Variants in ARC observed in about 807,000 individuals in gnomAD.
ARC encodes the protein activity regulated cytoskeleton associated protein.
A neutral mutation model predicts 20.0 loss-of-function variants in ARC; 10 were observed. That is an observed-to-expected ratio of 0.50 (90% CI 0.31 to 0.85). The LOEUF is 0.85. Ranked by LOEUF, ARC falls within the 40% of genes least tolerant of loss-of-function variation. The probability of loss-of-function intolerance (pLI) is 0.05; values close to 1 mark genes in which losing one functional copy is unlikely to be tolerated. For missense variants in ARC, 454 were observed against 555.5 expected (o/e 0.82, Z 1.84); for synonymous variants, 269 against 254.1 (o/e 1.06, Z -0.56).
In ARC at chr8:142,613,097, C is replaced by G. The variant is rs775336464; in HGVS notation, c.1175G>C (p.Arg392Pro). The G allele has an allele frequency of 6.5e-7, 1 of 1,545,354 alleles. No homozygotes were observed. The highest frequency in any genetic ancestry group is 1.8e-5 in the Admixed American group (1 of 54,576). Reference protein sequence around the residue: ...APNSESVASDRTQPE With the variant: ...APNSESVASDPTQPE ...GGATGCCCTCTACTCGGGCTGGGTC[C>G]GGTCACTGGCCACGGACTCGCTGTT... is the stretch of plus-strand genomic sequence containing the variant. Residue 392 changes from arginine to proline, a missense_variant, in exon 1 of 3, where the codon CGG becomes CCG. Arg to Pro is a moderately radical substitution (Grantham distance 103). Around this residue, in one of 3 missense-constraint regions of ARC, gnomAD observed 72 missense variants for 59.4 expected, o/e 1.21. Transcript: ENST00000356613.
chr8:142,613,059 G>T lies in ARC; in HGVS notation c.*22C>A. The T allele has an allele frequency of 2.0e-6, 3 of 1,469,674 alleles. No homozygotes were observed. Among genetic ancestry groups the T allele is most frequent in the Non-Finnish European group, 2.7e-6 (3 of 1,108,442 alleles). The allele number at this position is 1,469,674 out of a possible 1,614,324, so 91.0% of individuals were successfully genotyped here. On this transcript the variant is annotated 3_prime_UTR_variant, in exon 1 of 3. Coordinates refer to ENST00000356613, the MANE Select transcript of ARC (RefSeq NM_015193.5). Reference sequence around the variant, plus strand: ...GCCACAGGCTGGATGTAGTGGGCAGGCTGGGGGCTCCGGGATGCCCTCTAC... The same window carrying T: ...GCCACAGGCTGGATGTAGTGGGCAGTCTGGGGGCTCCGGGATGCCCTCTAC...
rs1445665845 is a variant in ARC at position 142,613,684 on chromosome 8, C to T, written c.588G>A (p.Pro196=). Reference sequence around the variant, plus strand: ...GCTGCCCGTCCTCGCCGGGGACCCACGGCTGGTACTGCTGGGCCTCGGCGG... The same window carrying T: ...GCTGCCCGTCCTCGCCGGGGACCCATGGCTGGTACTGCTGGGCCTCGGCGG... ...QEPAEAQQYQ[P]WVPGEDGQPS... The change falls in exon 1 of 3, where the codon CCG becomes CCA. Residue 196 remains proline (P), a synonymous_variant. Transcript: ENST00000356613. 2.5e-6 allele frequency: 4 copies of T among 1,570,356 alleles called. No homozygotes were observed. The highest frequency in any genetic ancestry group is 4.5e-5 in the East Asian group (2 of 44,218).
chr8:142,613,681 C>T lies in ARC; in HGVS notation c.591G>A (p.Trp197Ter). The stretch of plus-strand genomic sequence containing the variant: ...TGGGCTGCCCGTCCTCGCCGGGGAC[C>T]CACGGCTGGTACTGCTGGGCCTCGG... ...EPAEAQQYQP[W>*]VPGEDGQPSP... Residue 197 changes from tryptophan to a stop codon, truncating the protein, a stop_gained, in exon 1 of 3, where the codon TGG (tryptophan) becomes TGA (stop). Transcript: ENST00000356613. LOFTEE classifies it high-confidence loss of function. The T allele has an allele frequency of 6.4e-7, 1 of 1,569,818 alleles. No individual in the cohort carries two copies. The highest frequency in any genetic ancestry group is 8.6e-7 in the Non-Finnish European group (1 of 1,160,366).
rs1327630129 is a variant in ARC, at chr8:142,614,176, C to A, written c.96G>T (p.Gly32=). 1 of 1,571,062 alleles carries A rather than the reference C, an allele frequency of 6.4e-7. No individual in the cohort carries two copies. The highest frequency in any genetic ancestry group is 1.7e-5 in the Admixed American group (1 of 57,918). ...VAKPNVILQI[G]KCRAEMLEHV... ...GCTCCAGCATCTCGGCCCGGCACTTCCCGATCTGCAGGATCACGTTGGGCT... is the reference window on the plus strand; with the variant it reads ...GCTCCAGCATCTCGGCCCGGCACTTACCGATCTGCAGGATCACGTTGGGCT... Residue 32 remains glycine (G), a synonymous_variant, in exon 1 of 3, where the codon GGG becomes GGT. Coordinates refer to ENST00000356613, the MANE Select transcript of ARC (RefSeq NM_015193.5).
Position 142,614,171 on chromosome 8 carries a change from C to T in ARC, c.101G>A (p.Cys34Tyr), listed in dbSNP as rs1846285616. 1 of 1,577,714 alleles carries T rather than the reference C, an allele frequency of 6.3e-7. No individual in the cohort carries two copies. Among genetic ancestry groups the T allele is most frequent in the Non-Finnish European group, 8.6e-7 (1 of 1,164,382 alleles). ...KPNVILQIGK[C>Y]RAEMLEHVRR... ...CACGTGCTCCAGCATCTCGGCCCGG[C>T]ACTTCCCGATCTGCAGGATCACGTT... is the stretch of plus-strand genomic sequence containing the variant. Residue 34 changes from cysteine (C) to tyrosine (Y), a missense_variant, in exon 1 of 3, where the codon TGC becomes TAC. By Grantham distance (194) the Cys-to-Tyr change is radical. Around this residue, in one of 3 missense-constraint regions of ARC, gnomAD observed 265 missense variants for 301.7 expected, o/e 0.88. Coordinates refer to ENST00000356613, the MANE Select transcript of ARC (RefSeq NM_015193.5).
Position 142,613,114 on chromosome 8 carries a change from C to T in ARC, c.1158G>A (p.Glu386=). 9 of 1,567,178 alleles carry T rather than the reference C, an allele frequency of 5.7e-6. No individual in the cohort carries two copies. The highest frequency in any genetic ancestry group is 7.8e-6 in the Non-Finnish European group (9 of 1,157,188). Residue 386 remains glutamate, a synonymous_variant, in exon 1 of 3, where the codon GAG becomes GAA. Coordinates refer to ENST00000356613, the MANE Select transcript of ARC (RefSeq NM_015193.5). Reference sequence around the variant, plus strand: ...GCTGGGTCCGGTCACTGGCCACGGACTCGCTGTTGGGGGCGGGCGTGAGGG... The same window carrying T: ...GCTGGGTCCGGTCACTGGCCACGGATTCGCTGTTGGGGGCGGGCGTGAGGG... ...AETLTPAPNS[E]SVASDRTQPE is the part of the protein sequence containing the mutation.
rs1223072865 is a variant in ARC, at chr8:142,613,789, C to A, written c.483G>T (p.Glu161Asp). 6 of 1,552,528 alleles carry A rather than the reference C, an allele frequency of 3.9e-6. No homozygotes were observed. In the Admixed American group the frequency reaches 1.1e-4, roughly 30 times the overall value. The change falls in exon 1 of 3, where the codon GAG becomes GAT. Residue 161 changes from glutamate to aspartate, a missense_variant. Physicochemically the swap from Glu to Asp is conservative, Grantham distance 45 (BLOSUM62 2). Coordinates refer to ENST00000356613, the MANE Select transcript of ARC (RefSeq NM_015193.5). ...GVGGPESYCH[E>D]ADGYDYTVSP... The stretch of plus-strand genomic sequence containing the variant: ...TGACGGTGTAGTCGTAGCCGTCTGC[C>A]TCGTGGCAGTAGCTCTCGGGACCCC...
chr8:142,614,251 G>T lies in ARC; in HGVS notation c.21C>A (p.Thr7=). The T allele has an allele frequency of 1.4e-6, 2 of 1,478,790 alleles. No individual in the cohort carries two copies. Among genetic ancestry groups the T allele is most frequent in the East Asian group, 4.7e-5 (2 of 42,424 alleles). The allele number at this position is 1,478,790 out of a possible 1,614,324, so 91.6% of individuals were successfully genotyped here. The part of the protein sequence containing the change: MELDHR[T]SGGLHAYPGP... The stretch of plus-strand genomic sequence containing the variant: ...CGGGGTAGGCGTGGAGCCCGCCGCT[G>T]GTCCGGTGGTCCAGCTCCATCTGTG... Residue 7 remains threonine (T), a synonymous_variant, in exon 1 of 3, where the codon ACC becomes ACA. Transcript: ENST00000356613.
chr8:142,612,977 T>A lies in ARC; in HGVS notation c.*104A>T. ...CCCGGAGCTCGAGGGGGCACCCAGC[T>A]GGACCAGGGCTTCCCCTGCAGGAGT... is the stretch of plus-strand genomic sequence containing the variant. On this transcript the variant is annotated 3_prime_UTR_variant, in exon 1 of 3. Transcript: ENST00000356613. 1 of 982,112 alleles carries A rather than the reference T, an allele frequency of 1.0e-6. No homozygotes were observed. Among genetic ancestry groups the A allele is most frequent in the Non-Finnish European group, 1.5e-6 (1 of 685,516 alleles). The allele number at this position is 982,112 out of a possible 1,614,324, so 60.8% of individuals were successfully genotyped here.
Position 142,613,734 on chromosome 8 carries a change from C to G in ARC, c.538G>C (p.Ala180Pro), listed in dbSNP as rs1262375538. The change falls in exon 1 of 3, where the codon GCT becomes CCT. Residue 180 changes from alanine to proline, a missense_variant. Ala to Pro is a conservative substitution (Grantham distance 27, BLOSUM62 -1). Transcript: ENST00000356613. The part of the protein sequence containing the change: ...SPYAITPPPA[A>P]GELPGQEPAE... ...GGCTCCTGCCCGGGCAGCTCGCCAG[C>G]GGCTGGGGGCGGGGTGATGGCGTAG... 6.5e-7 allele frequency: 1 copy of G among 1,547,372 alleles called. No homozygotes were observed. Among genetic ancestry groups the G allele is most frequent in the Non-Finnish European group, 8.7e-7 (1 of 1,150,316 alleles).
rs779907304 is a variant in ARC at position 142,613,906 on chromosome 8, G to T, written c.366C>A (p.Arg122=). 14 of 1,592,472 alleles carry T rather than the reference G, an allele frequency of 8.8e-6. No individual in the cohort carries two copies. In the African/African-American group the frequency reaches 1.7e-4, roughly 20 times the overall value. ...EMHVWREVFY[R]LERWADRLES... is the part of the protein sequence containing the mutation. Reference sequence around the variant, plus strand: ...CCAGGCGGTCGGCCCAGCGCTCCAGGCGGTAGAACACCTCGCGCCACACGT... The same window carrying T: ...CCAGGCGGTCGGCCCAGCGCTCCAGTCGGTAGAACACCTCGCGCCACACGT... Residue 122 remains arginine, a synonymous_variant, in exon 1 of 3, where the codon CGC becomes CGA. Transcript: ENST00000356613.
In ARC at chr8:142,614,125, C is replaced by A; in HGVS notation, c.147G>T (p.Leu49=). The A allele has an allele frequency of 6.3e-7, 1 of 1,589,956 alleles. No homozygotes were observed. Among genetic ancestry groups the A allele is most frequent in the Non-Finnish European group, 8.6e-7 (1 of 1,168,656 alleles). ...CCACCTGCTTGGACACCTCGGCCAG[C>A]AGGTGCCGGTGCGTCCGCCGCACGT... ...LEHVRRTHRH[L]LAEVSKQVER... is the part of the protein sequence containing the mutation. The change falls in exon 1 of 3, where the codon CTG becomes CTT. Residue 49 remains leucine (L), a synonymous_variant. Transcript: ENST00000356613.
Position 142,614,476 on chromosome 8 carries a change from C to G in ARC, c.-205G>C. On this transcript the variant is annotated 5_prime_UTR_variant, in exon 1 of 3. Transcript: ENST00000356613. Reference sequence around the variant, plus strand: ...GGAGGGAGGACGCCGCGCCCGAGCTCTGCGCTGAGTCCTGGCCGCCGGCTC... The same window carrying G: ...GGAGGGAGGACGCCGCGCCCGAGCTGTGCGCTGAGTCCTGGCCGCCGGCTC... 1 of 387,408 alleles carries G rather than the reference C, an allele frequency of 2.6e-6. No individual in the cohort carries two copies. The highest frequency in any genetic ancestry group is 3.9e-5 in the East Asian group (1 of 25,446). The allele number at this position is 387,408 out of a possible 1,614,324, so 24.0% of individuals were successfully genotyped here. A position where few individuals can be genotyped will look rare whatever the true frequency, so the allele number is the denominator to read the frequency against.
chr8:142,611,312 G>A lies in ARC; in HGVS notation c.*1288C>T, dbSNP rs951357136. ...GTGTGGGCTGAAGACTTGTCAGAGTGGTCTGCAGGGCTGGTCCCCCAGTGG... is the reference window on the plus strand; with the variant it reads ...GTGTGGGCTGAAGACTTGTCAGAGTAGTCTGCAGGGCTGGTCCCCCAGTGG... On this transcript the variant is annotated 3_prime_UTR_variant, in exon 3 of 3. Transcript: ENST00000356613. The A allele has an allele frequency of 2.0e-5, 3 of 152,704 alleles. No individual in the cohort carries two copies. The highest frequency in any genetic ancestry group is 6.5e-5 in the Admixed American group (1 of 15,304). 9.5% of individuals were successfully genotyped at this position (152,704 alleles called of 1,614,324 possible). A position where few individuals can be genotyped will look rare whatever the true frequency, so the allele number is the denominator to read the frequency against.
chr8:142,614,408 C>G lies in ARC; in HGVS notation c.-137G>C. On this transcript the variant is annotated 5_prime_UTR_variant, in exon 1 of 3. Transcript: ENST00000356613. ...TGTCGCTGCGGGCCGGCGGCGGGGC[C>G]GGCGGAGCACGCCCGGGGAGGCAGG... is the stretch of plus-strand genomic sequence containing the variant. The G allele has an allele frequency of 2.8e-6, 2 of 720,270 alleles. No individual in the cohort carries two copies. Among genetic ancestry groups the G allele is most frequent in the Non-Finnish European group, 3.8e-6 (2 of 521,780 alleles). The allele number at this position is 720,270 out of a possible 1,614,324, so 44.6% of individuals were successfully genotyped here.
rs767101974 is a variant in ARC, at chr8:142,613,729, G to A, written c.543C>T (p.Gly181=). 1.3e-6 allele frequency: 2 copies of A among 1,550,804 alleles called. No individual in the cohort carries two copies. The highest frequency in any genetic ancestry group is 1.7e-6 in the Non-Finnish European group (2 of 1,151,918). Residue 181 remains glycine, a synonymous_variant, in exon 1 of 3, where the codon GGC becomes GGT. Coordinates refer to ENST00000356613, the MANE Select transcript of ARC (RefSeq NM_015193.5). ...PYAITPPPAA[G]ELPGQEPAEA... is the part of the protein sequence containing the mutation. The stretch of plus-strand genomic sequence containing the variant: ...CGGCGGGCTCCTGCCCGGGCAGCTC[G>A]CCAGCGGCTGGGGGCGGGGTGATGG...
Position 142,614,338 on chromosome 8 carries a change from G to A in ARC, c.-67C>T. On this transcript the variant is annotated 5_prime_UTR_variant, in exon 1 of 3. Coordinates refer to ENST00000356613, the MANE Select transcript of ARC (RefSeq NM_015193.5). The stretch of plus-strand genomic sequence containing the variant: ...GGACAGAGGGTGGTCCGGCGCTGGG[G>A]TCCGGCGGCCTGGGTCCCGTGCGGA... The A allele has an allele frequency of 7.8e-7, 1 of 1,279,664 alleles. No homozygotes were observed. Among genetic ancestry groups the A allele is most frequent in the East Asian group, 3.0e-5 (1 of 32,932 alleles). The allele number at this position is 1,279,664 out of a possible 1,614,324, so 79.3% of individuals were successfully genotyped here. A position where few individuals can be genotyped will look rare whatever the true frequency, so the allele number is the denominator to read the frequency against.
rs1846259771 is a variant in ARC, at chr8:142,612,195, A to C, written c.*655T>G. 6.6e-6 allele frequency: 1 copy of C among 152,636 alleles called. No individual in the cohort carries two copies. Among genetic ancestry groups the C allele is most frequent in the Non-Finnish European group, 1.5e-5 (1 of 68,092 alleles). 9.5% of individuals were successfully genotyped at this position (152,636 alleles called of 1,614,324 possible). ...GCCCCTCTGGGACCCTCCGCCTGCC[A>C]TGGGTGAGTCATGAGCTGAGCTCTG... On this transcript the variant is annotated 3_prime_UTR_variant, in exon 2 of 3. Transcript: ENST00000356613.
chr8:142,614,371 G>A lies in ARC; in HGVS notation c.-100C>T, dbSNP rs1036627469. The A allele has an allele frequency of 4.7e-6, 5 of 1,068,446 alleles. No homozygotes were observed. Among genetic ancestry groups the A allele is most frequent in the Non-Finnish European group, 6.0e-6 (5 of 834,452 alleles). The allele number at this position is 1,068,446 out of a possible 1,614,324, so 66.2% of individuals were successfully genotyped here. On this transcript the variant is annotated 5_prime_UTR_variant, in exon 1 of 3. Transcript: ENST00000356613. The stretch of plus-strand genomic sequence containing the variant: ...GCCTGGGTCCCGTGCGGAGCTGCGG[G>A]GAGCGCCTGTCTGTCGCTGCGGGCC...
Sources: gnomAD v4.1 joint callset for allele counts on GRCh38, gnomAD v4.1.1 for gene constraint, gnomAD v4.1.1 regional missense constraint, MANE v1.5 for transcripts, NCBI Gene and HGNC (gene_info 2026-07-23, HGNC 2026-07-21) for gene names.